The following LRRC4C variants were observed in gnomAD, a reference collection of about 807,000 sequenced individuals.
The protein encoded by LRRC4C is leucine-rich repeat-containing protein 4C.
In LRRC4C, 5 loss-of-function variants were observed where a neutral mutation model predicts 33.6. The ratio of observed to expected loss-of-function variants is 0.15; its 90% CI spans 0.08 to 0.31. The LOEUF (loss-of-function observed/expected upper bound fraction) is 0.31. Ranked by LOEUF, LRRC4C falls within the 10% of genes least tolerant of loss-of-function variation. LRRC4C has a pLI of 1.00. For missense variants in LRRC4C, 560 were observed against 796.7 expected, an observed-to-expected ratio of 0.70 and a Z score of 3.58; for synonymous variants, 329 against 302.0, an observed-to-expected ratio of 1.09 and a Z score of -0.93.
chr11:40,400,453 ATCTC>A (rs913631826), intron 3 of LRRC4C, among the ~76,000 whole-genome samples: 8 of 152,096 alleles, frequency 5.3e-5, no homozygotes, highest in African/African-American at 9.7e-5. Flanking sequence ...CTATAGCTAT[ATCTC>A]TCTATTTATA....
chr11:40,661,328 T>C (rs1193114749), intron 2 of LRRC4C, among the ~76,000 whole-genome samples: 2 of 152,126 alleles, frequency 1.3e-5, no homozygotes, highest in Non-Finnish European at 2.9e-5. Flanking sequence ...ATTTAGCTGT[T>C]CAAGTCTCAC....
At chr11:40,637,337 G>A (rs1941816386) in intron 3 of LRRC4C, among the ~76,000 whole-genome samples, 1 of 152,040 alleles carries the variant, frequency 6.6e-6, no homozygotes, top group Non-Finnish European at 1.5e-5. Flanking sequence ...ATTTCAGTCT[G>A]GACACGATAA....
chr11:41,417,072 A>C (rs1425011525), intron 1 of LRRC4C, among the ~76,000 whole-genome samples: 3 of 152,088 alleles, frequency 2.0e-5, no homozygotes, highest in Non-Finnish European at 4.4e-5. Context: ...GAAGTCTAGC[A>C]ACTCATTTAT....
At chr11:41,310,192 T>C (rs1240423877) in intron 1 of LRRC4C, among the ~76,000 whole-genome samples, 3 of 152,238 alleles carry the variant, frequency 2.0e-5, no homozygotes, top group Non-Finnish European at 4.4e-5. Context: ...AGAGGTTTTT[T>C]GTTTCTATTT....
chr11:40,459,581 T>C lies in LRRC4C; in HGVS notation c.-269-139860A>G, dbSNP rs544623522. ...AAATTCAGATCCAGTTTTAAGACAT[T>C]TAATGATTACATTATAAAGCCAATT... On this transcript the variant is annotated intron_variant, in intron 3 of 6. Coordinates refer to ENST00000528697, the MANE Select transcript of LRRC4C (RefSeq NM_001258419.2). Among the ~76,000 whole-genome samples the C allele has an allele frequency of 3.9e-5, 6 of 152,306 alleles. No homozygotes were observed. The South Asian group carries it at 1.2e-3, about 32-fold the overall frequency.
chr11:40,342,907 A>C (rs903312314), intron 3 of LRRC4C, among the ~76,000 whole-genome samples: 1 of 152,092 alleles, frequency 6.6e-6, no homozygotes. Context: ...TCCATCTTTT[A>C]GTCTAGTCAT....
chr11:40,924,590 G>T (rs1021262863), intron 2 of LRRC4C, among the ~76,000 whole-genome samples: 1 of 152,000 alleles, frequency 6.6e-6, no homozygotes, highest in African/African-American at 2.4e-5. Flanking sequence ...GCACAGTAGG[G>T]TAACTACAGT....
chr11:41,429,708 TATGA>T (rs1955169462), intron 1 of LRRC4C, among the ~76,000 whole-genome samples: 4 of 152,142 alleles, frequency 2.6e-5, no homozygotes, highest in African/African-American at 9.6e-5. Context: ...CAGGGCCGAC[TATGA>T]AAGACATACT....
chr11:40,568,734 C>A (rs1443934246), intron 3 of LRRC4C, among the ~76,000 whole-genome samples: 2 of 152,110 alleles, frequency 1.3e-5, no homozygotes, highest in Non-Finnish European at 2.9e-5. Context: ...GGAAAGAAAT[C>A]TATCAGTGTG....
At chr11:40,976,722 G>T (rs1056041507) in intron 1 of LRRC4C, among the ~76,000 whole-genome samples, 1 of 152,014 alleles carries the variant, frequency 6.6e-6, no homozygotes, top group African/African-American at 2.4e-5. Flanking sequence ...ATACAAAAAG[G>T]ATTCCAAAAG....
chr11:41,368,394 G>T (rs910053898), intron 1 of LRRC4C, among the ~76,000 whole-genome samples: 52 of 152,144 alleles, frequency 3.4e-4, no homozygotes, highest in Admixed American at 5.9e-4. Flanking sequence ...CACCTGTTCG[G>T]AGAAAAATCC....
chr11:41,046,135 C>T (rs182753988), intron 1 of LRRC4C, among the ~76,000 whole-genome samples: 148 of 152,160 alleles, frequency 9.7e-4, no homozygotes, highest in African/African-American at 3.4e-3. Context: ...CTTCAAAATG[C>T]TAATAAAGGA....
At chr11:40,721,205 G>C (rs1013967553) in intron 2 of LRRC4C, among the ~76,000 whole-genome samples, 1 of 152,148 alleles carries the variant, frequency 6.6e-6, no homozygotes, top group South Asian at 2.1e-4. Flanking sequence ...TGAAGATAAG[G>C]CCTTTGGGAA....
At chr11:40,285,851 T>C (rs1943798512) in intron 4 of LRRC4C, among the ~76,000 whole-genome samples, 1 of 152,186 alleles carries the variant, frequency 6.6e-6, no homozygotes, top group East Asian at 1.9e-4. Flanking sequence ...GATTCTGATT[T>C]TGGGTTCTCA....
At chr11:41,238,123 C>T (rs1226444574) in intron 1 of LRRC4C, among the ~76,000 whole-genome samples, 1 of 152,116 alleles carries the variant, frequency 6.6e-6, no homozygotes, top group Non-Finnish European at 1.5e-5. Flanking sequence ...TTTCTAATTT[C>T]TATCCTATTT....
chr11:40,167,597 A>C (rs1198800592), intron 5 of LRRC4C, among the ~76,000 whole-genome samples: 1 of 152,148 alleles, frequency 6.6e-6, no homozygotes, highest in Non-Finnish European at 1.5e-5. Flanking sequence ...CTATTCTATG[A>C]CAGAAAGTTC....
chr11:40,615,733 G>A (rs78173614), intron 3 of LRRC4C, among the ~76,000 whole-genome samples: 3,140 of 151,748 alleles, frequency 0.021, 103 homozygotes, highest in African/African-American at 0.072. Flanking sequence ...AGTAAACACC[G>A]GCTATGCAGG....
intron 1 of LRRC4C, among the ~76,000 whole-genome samples, chr11:41,108,548 G>C (rs931554748): frequency 2.6e-5 from 4 of 151,976 alleles, no homozygotes; most frequent in Non-Finnish European, 5.9e-5. Context: ...TTTAAGAAAG[G>C]CCCAGATCGC....
chr11:40,549,003 C>G (rs936600171), intron 3 of LRRC4C, among the ~76,000 whole-genome samples: 1 of 152,108 alleles, frequency 6.6e-6, no homozygotes, highest in Non-Finnish European at 1.5e-5. Context: ...CTTTACTACC[C>G]TAGTTAAAGC....
Sources: allele counts gnomAD v4.1 joint callset (sites outside exome capture counted in the v4.1 genomes callset), GRCh38; gene constraint gnomAD v4.1.1; transcripts MANE v1.5; gene names NCBI Gene and HGNC (gene_info 2026-07-23, HGNC 2026-07-21).